The following UNC13D variants were observed in gnomAD, a reference collection of about 807,000 sequenced individuals.
The protein encoded by UNC13D is unc-13 homolog D, also known as protein unc-13 homolog D.
In UNC13D, 115 loss-of-function variants were observed where a neutral mutation model predicts 151.7. The observed-to-expected ratio is 0.76, with a 90% CI of 0.65 to 0.88. The LOEUF is 0.88. Among genes scored for constraint, UNC13D ranks in the 40% least tolerant of loss-of-function variants. The pLI is 0.00. For missense variants in UNC13D, 1,369 were observed against 1,438.7 expected (o/e 0.95, Z 0.78); for synonymous variants, 588 against 612.2 (o/e 0.96, Z 0.58).
intron 12 of UNC13D, among the ~76,000 whole-genome samples, chr17:75,838,665 T>C (rs1321827220): frequency 6.6e-6 from 1 of 152,210 alleles, no homozygotes; most frequent in East Asian, 1.9e-4. Flanking sequence ...TTGAAGGCTA[T>C]GGCATTGGGA....
intron 31 of UNC13D, among the ~76,000 whole-genome samples, chr17:75,828,521 G>T (rs2062139439): frequency 6.6e-6 from 1 of 152,248 alleles, no homozygotes; most frequent in African/African-American, 2.4e-5. Flanking sequence ...AAAATGCTCT[G>T]CAGGGAAGCG....
chr17:75,834,463 T>C lies in UNC13D; in HGVS notation c.2160A>G (p.Ala720=). The change falls in exon 23 of 32, where the codon GCA becomes GCG. Residue 720 remains alanine (A), a synonymous_variant. Transcript: ENST00000207549. The part of the protein sequence containing the change: ...LVIGKLPAQL[A]WEALEQRVGA... ...CTACCCGCTGCTCCAGGGCCTCCCA[T>C]GCCAGCTGGGCGGGCAACTTGCCGA... is the stretch of plus-strand genomic sequence containing the variant. 1.3e-6 allele frequency: 2 copies of C among 1,564,956 alleles called. No individual in the cohort carries two copies. The highest frequency in any genetic ancestry group is 8.6e-7 in the Non-Finnish European group (1 of 1,157,884).
In UNC13D at chr17:75,834,960, T is replaced by A; in HGVS notation, c.1952A>T (p.Asp651Val). The A allele has an allele frequency of 6.2e-7, 1 of 1,614,038 alleles. No homozygotes were observed. Among genetic ancestry groups the A allele is most frequent in the Non-Finnish European group, 8.5e-7 (1 of 1,180,012 alleles). ...GGTAATCATGAAGGCCTCCTCTGGG[T>A]CTGGCCAGTCCAGCTGCCGGGCAGT... is the stretch of plus-strand genomic sequence containing the variant. ...SHTARQLDWP[D>V]PEEAFMITVK... Residue 651 changes from aspartate to valine, a missense_variant, in exon 21 of 32, where the codon GAC (aspartate) becomes GTC (valine). This residue lies in a region of UNC13D where 807 missense variants were observed against 795.5 expected (regional missense o/e 1.01). Coordinates refer to ENST00000207549, the MANE Select transcript of UNC13D (RefSeq NM_199242.3).
Position 75,831,157 on chromosome 17 carries a change from A to G in UNC13D, c.2566T>C (p.Cys856Arg). ...AGGCCACAGCCCTCAGCGTGGAAGCAGATCTCCAGGTTCTGGGGGAGATAT... is the reference window on the plus strand; with the variant it reads ...AGGCCACAGCCCTCAGCGTGGAAGCGGATCTCCAGGTTCTGGGGGAGATAT... ...LKIALQNLEI[C>R]FHAEGCGLPP... The change falls in exon 27 of 32, where the codon TGC (cysteine) becomes CGC (arginine). Residue 856 changes from cysteine (C) to arginine (R), a missense_variant. Around this residue, in one of 3 missense-constraint regions of UNC13D, gnomAD observed 807 missense variants for 795.5 expected, o/e 1.01. Transcript: ENST00000207549. The G allele has an allele frequency of 6.2e-7, 1 of 1,614,088 alleles. No individual in the cohort carries two copies.
At chr17:75,839,233 T>A (rs1474466337) in intron 12 of UNC13D, among the ~76,000 whole-genome samples, 1 of 151,248 alleles carries the variant, frequency 6.6e-6, no homozygotes, top group Admixed American at 6.6e-5. Context: ...AGAAACCCCG[T>A]CTCTACTAAA....
At position 75,834,379 on chromosome 17, in the gene UNC13D, C is replaced by G; in HGVS notation, c.2244G>C (p.Ala748=). The G allele has an allele frequency of 6.3e-7, 1 of 1,592,522 alleles. No homozygotes were observed. Among genetic ancestry groups the G allele is most frequent in the Non-Finnish European group, 8.5e-7 (1 of 1,177,446 alleles). ...GGATCTCATGGCCCAGCCCGGCCAG[C>G]GCGCTCTGCAGCTGGGCATGCAGCG... ...QNTLHAQLQS[A]LAGLGHEIRT... The change falls in exon 23 of 32, where the codon GCG becomes GCC. Residue 748 remains alanine, a synonymous_variant. Transcript: ENST00000207549.
In UNC13D at chr17:75,827,739, T is replaced by G; in HGVS notation, c.*226A>C. ...TGGTGCTGGGATGTGGTAGAGACAT[T>G]GCAGCCAGGGCTGGAGGCAGGGAGG... is the stretch of plus-strand genomic sequence containing the variant. On this transcript the variant is annotated 3_prime_UTR_variant, in exon 32 of 32. Transcript: ENST00000207549. 1 of 1,495,496 alleles carries G rather than the reference T, an allele frequency of 6.7e-7. No homozygotes were observed. The highest frequency in any genetic ancestry group is 8.9e-7 in the Non-Finnish European group (1 of 1,121,848). 92.6% of individuals were successfully genotyped at this position (1,495,496 alleles called of 1,614,324 possible).
Position 75,840,902 on chromosome 17 carries a change from CT to C in UNC13D, c.614+54del. 2.5e-6 allele frequency: 4 copies of C among 1,614,032 alleles called. No individual in the cohort carries two copies. Among genetic ancestry groups the C allele is most frequent in the Non-Finnish European group, 3.4e-6 (4 of 1,179,972 alleles). ...CCTCTTCCAGGAGGAGGTTCCGCCT[CT>C]CTCACCCCAGATCCCTTCCCTTCCC... is the stretch of plus-strand genomic sequence containing the variant. On this transcript the variant is annotated intron_variant, in intron 7 of 31. Transcript: ENST00000207549. The surrounding 1 kb of genome is among the most constrained non-coding windows in gnomAD (Gnocchi z 4.6).
Position 75,827,429 on chromosome 17 carries a change from CT to C in UNC13D, c.*535del. The C allele has an allele frequency of 3.5e-6, 5 of 1,423,732 alleles. No homozygotes were observed. The highest frequency in any genetic ancestry group is 2.9e-5 in the Admixed American group (1 of 34,902). The allele number at this position is 1,423,732 out of a possible 1,614,324, so 88.2% of individuals were successfully genotyped here. The stretch of plus-strand genomic sequence containing the variant: ...GGTTCTTGGCTCCAGGCTTCCTGGC[CT>C]GGATGCTGGCAGCCCCTGGGGAGAG... On this transcript the variant is annotated 3_prime_UTR_variant, in exon 32 of 32. Coordinates refer to ENST00000207549, the MANE Select transcript of UNC13D (RefSeq NM_199242.3).
rs368776654 is a variant in UNC13D at position 75,841,020 on chromosome 17, G to A, written c.570-19C>T. On this transcript the variant is annotated intron_variant, in intron 6 of 31. Coordinates refer to ENST00000207549, the MANE Select transcript of UNC13D (RefSeq NM_199242.3). ...AAACTCCCTGTATGGAGAAAAGGGCGTGGTTGAGGGCCCTGGAGGGTGGAT... is the reference window on the plus strand; with the variant it reads ...AAACTCCCTGTATGGAGAAAAGGGCATGGTTGAGGGCCCTGGAGGGTGGAT... 3.8e-5 allele frequency: 62 copies of A among 1,613,904 alleles called. No individual in the cohort carries two copies. Among genetic ancestry groups the A allele is most frequent in the Middle Eastern group, 1.6e-4 (1 of 6,084 alleles).
chr17:75,842,282 C>A (rs562137865), intron 6 of UNC13D, 151 bp downstream of exon 6: 1 of 1,059,966 alleles, frequency 9.4e-7, no homozygotes, highest in Non-Finnish European at 1.3e-6. Flanking sequence ...GTCCACCTAA[C>A]GTGCCTGGAG....
At chr17:75,836,764 C>G in intron 13 of UNC13D, 37 bp downstream of exon 13, 1 of 1,613,610 alleles carries the variant, frequency 6.2e-7, no homozygotes, top group Non-Finnish European at 8.5e-7. Flanking sequence ...TTCCCTGAGC[C>G]CTGCCTGCTC....
Position 75,828,074 on chromosome 17 carries a change from A to G in UNC13D, c.3164T>C (p.Leu1055Pro), listed in dbSNP as rs938348431. 2 of 1,574,448 alleles carry G rather than the reference A, an allele frequency of 1.3e-6. No homozygotes were observed. The highest frequency in any genetic ancestry group is 8.6e-7 in the Non-Finnish European group (1 of 1,160,134). Reference sequence around the variant, plus strand: ...ACCCTTCCGGCCCTCCAGCAGCTGCAGGATTGGGTCCCCTGCGGAGAGAGG... The same window carrying G: ...ACCCTTCCGGCCCTCCAGCAGCTGCGGGATTGGGTCCCCTGCGGAGAGAGG... The part of the protein sequence containing the change: ...TYPAPNGDPI[L>P]QLLEGRKGDR... The change falls in exon 32 of 32, where the codon CTG becomes CCG. Residue 1055 changes from leucine to proline, a missense_variant. By Grantham distance (98) the Leu-to-Pro change is moderately conservative. Coordinates refer to ENST00000207549, the MANE Select transcript of UNC13D (RefSeq NM_199242.3).
chr17:75,839,700 C>T, intron 12 of UNC13D, 139 bp downstream of exon 12: 1 of 937,818 alleles, frequency 1.1e-6, no homozygotes, highest in Non-Finnish European at 1.7e-6. Context: ...AAATTGGCAA[C>T]TGATTCAAAA....
chr17:75,827,820 T>C lies in UNC13D; in HGVS notation c.*145A>G, dbSNP rs2062134055. The C allele has an allele frequency of 6.7e-7, 1 of 1,495,652 alleles. No individual in the cohort carries two copies. The highest frequency in any genetic ancestry group is 2.1e-5 in the Admixed American group (1 of 48,748). The allele number at this position is 1,495,652 out of a possible 1,614,324, so 92.6% of individuals were successfully genotyped here. ...ATCACCATGGGAGGCAGGGGAGGTC[T>C]GCACTCTGGGCACTCCGCATGCTGG... On this transcript the variant is annotated 3_prime_UTR_variant, in exon 32 of 32. Transcript: ENST00000207549.
Position 75,836,039 on chromosome 17 carries a change from T to C in UNC13D, c.1517A>G (p.Gln506Arg), listed in dbSNP as rs776609913. Residue 506 changes from glutamine to arginine, a missense_variant, in exon 17 of 32, where the codon CAG becomes CGG. Gln to Arg is a conservative substitution (Grantham distance 43, BLOSUM62 1). Coordinates refer to ENST00000207549, the MANE Select transcript of UNC13D (RefSeq NM_199242.3). Reference protein sequence around the residue: ...QDVIGDLHQCQRTWDKIFHNT... With the variant: ...QDVIGDLHQCRRTWDKIFHNT... ...GTGGAAGATCTTGTCCCATGTGCGC[T>C]GGCACTGGTGCAGGTCGCCAATGAC... 6.2e-7 allele frequency: 1 copy of C among 1,613,994 alleles called. No homozygotes were observed. Among genetic ancestry groups the C allele is most frequent in the Non-Finnish European group, 8.5e-7 (1 of 1,180,036 alleles).
intron 25 of UNC13D, chr17:75,831,616 A>C (rs1305463262): frequency 3.8e-6 from 2 of 528,300 alleles, no homozygotes; most frequent in Non-Finnish European, 6.8e-6. Context: ...CGGAATGCAC[A>C]AACAAGGCTG....
chr17:75,832,701 T>C lies in UNC13D; in HGVS notation c.2447+265A>G, dbSNP rs1432253614. 6 of 411,934 alleles carry C rather than the reference T, an allele frequency of 1.5e-5. No homozygotes were observed. In the East Asian group the frequency reaches 2.5e-4, roughly 17 times the overall value. 25.5% of individuals were successfully genotyped at this position (411,934 alleles called of 1,614,324 possible). A position where few individuals can be genotyped will look rare whatever the true frequency, so the allele number is the denominator to read the frequency against. The stretch of plus-strand genomic sequence containing the variant: ...GCAGGAAATGGGGAGGCCTGAGAAG[T>C]GGCAAGCTCCCCGTCCCTGCAGCGA... On this transcript the variant is annotated intron_variant, in intron 25 of 31. Transcript: ENST00000207549. This position sits in a 1 kb window ranked among gnomAD's most constrained non-coding sequence, Gnocchi z 4.3.
chr17:75,834,229 G>A (rs952933248), intron 23 of UNC13D, 86 bp from the exon 24 acceptor site: 5 of 1,588,904 alleles, frequency 3.1e-6, no homozygotes, highest in East Asian at 2.3e-5. Flanking sequence ...TTAGACGCAC[G>A]AAGGGGTCAG....
Sources: allele counts gnomAD v4.1 joint callset (sites outside exome capture counted in the v4.1 genomes callset), GRCh38; gene constraint gnomAD v4.1.1; regional missense constraint gnomAD v4.1.1; non-coding constraint Gnocchi (gnomAD v3.1); transcripts MANE v1.5; gene names NCBI Gene and HGNC (gene_info 2026-07-23, HGNC 2026-07-21).